NOP14: variants seen among roughly 807,000 people sequenced by gnomAD.
NOP14 encodes NOP14 nucleolar protein.
A neutral mutation model predicts 101.6 loss-of-function variants in NOP14; 57 were observed. That is an observed-to-expected ratio of 0.56 (90% confidence interval 0.45 to 0.70). The LOEUF (loss-of-function observed/expected upper bound fraction) is 0.70. Among genes scored for constraint, NOP14 ranks in the 30% least tolerant of loss-of-function variants. The pLI is 0.00. For synonymous variants in NOP14, 428 were observed against 424.0 expected (o/e 1.01, Z -0.12); for missense variants, 1,134 against 1,075.5 (o/e 1.05, Z -0.76).
Position 2,946,437 on chromosome 4 carries a change from C to T in NOP14, c.1610G>A (p.Arg537Gln), listed in dbSNP as rs776543992. 2.5e-5 allele frequency: 40 copies of T among 1,614,126 alleles called. No individual in the cohort carries two copies. The highest frequency in any genetic ancestry group is 2.4e-4 in the South Asian group (22 of 91,094). ...CACATCCAACCCTGGCAATGCCGCCCGGCCTTTGGTCTCAATCATTTCTTC... is the reference window on the plus strand; with the variant it reads ...CACATCCAACCCTGGCAATGCCGCCTGGCCTTTGGTCTCAATCATTTCTTC... The part of the protein sequence containing the change: ...EMEEMIETKG[R>Q]AALPGLDVLI... Residue 537 changes from arginine to glutamine, a missense_variant, in exon 11 of 18, where the codon CGG becomes CAG. Arg to Gln is a conservative substitution (Grantham distance 43). Transcript: ENST00000416614.
rs202046753 is a variant in NOP14 at position 2,942,269 on chromosome 4, C to T, written c.1974G>A (p.Thr658=). Residue 658 remains threonine, a synonymous_variant, in exon 14 of 18, where the codon ACG becomes ACA. Transcript: ENST00000416614. The part of the protein sequence containing the change: ...LVVSAREDVA[T]WQQSSLSLRW... ...GGAGGGAGAGGCTGCTCTGCTGCCACGTGGCCACATCCTCTCTAGCAGACA... is the reference window on the plus strand; with the variant it reads ...GGAGGGAGAGGCTGCTCTGCTGCCATGTGGCCACATCCTCTCTAGCAGACA... 1.3e-5 allele frequency: 21 copies of T among 1,614,100 alleles called. No homozygotes were observed. Among genetic ancestry groups the T allele is most frequent in the East Asian group, 1.1e-4 (5 of 44,870 alleles).
At chr4:2,956,540 G>A in intron 3 of NOP14, 130 bp downstream of exon 3, 1 of 849,346 alleles carries the variant, frequency 1.2e-6, no homozygotes, top group Non-Finnish European at 1.7e-6. Context: ...AATTTGTAGA[G>A]AGGTTAATGA....
rs112180983 is a variant in NOP14, at chr4:2,948,485, C to T, written c.1283-77G>A. The T allele has an allele frequency of 8.4e-4, 986 of 1,179,358 alleles. 4 individuals are homozygous for T. In the African/African-American group the frequency reaches 0.014, roughly 17 times the overall value. The allele number at this position is 1,179,358 out of a possible 1,614,324, so 73.1% of individuals were successfully genotyped here. ...TATATTTATTTTTGAGATGGAGTCTCGCTCTGTTGCCCAGGCTGGAGTGCA... is the reference window on the plus strand; with the variant it reads ...TATATTTATTTTTGAGATGGAGTCTTGCTCTGTTGCCCAGGCTGGAGTGCA... On this transcript the variant is annotated intron_variant, in intron 8 of 17. Transcript: ENST00000416614.
At position 2,942,459 on chromosome 4, in the gene NOP14, G is replaced by A. The variant is rs530825904; in HGVS notation, c.1892-108C>T. On this transcript the variant is annotated intron_variant, in intron 13 of 17. Coordinates refer to ENST00000416614, the MANE Select transcript of NOP14 (RefSeq NM_001291978.2). ...GTTCACCCTCTAACAGACGCACACC[G>A]ATTTTTATGTTTCTGGGTTGTGCCA... 35 of 1,127,900 alleles carry A rather than the reference G, an allele frequency of 3.1e-5. No individual in the cohort carries two copies. The African/African-American group carries it at 4.2e-4, about 13-fold the overall frequency. 69.9% of individuals were successfully genotyped at this position (1,127,900 alleles called of 1,614,324 possible). A position where few individuals can be genotyped will look rare whatever the true frequency, so the allele number is the denominator to read the frequency against.
At chr4:2,939,444 A>G (rs1253272496) in intron 16 of NOP14, 83 bp downstream of exon 16, 2 of 1,595,234 alleles carry the variant, frequency 1.3e-6, no homozygotes, top group African/African-American at 2.7e-5. Flanking sequence ...CATCTGCTCA[A>G]CTGCAGAACT....
At position 2,944,245 on chromosome 4, in the gene NOP14, G is replaced by C; in HGVS notation, c.1738-19C>G. 1 of 1,606,742 alleles carries C rather than the reference G, an allele frequency of 6.2e-7. No individual in the cohort carries two copies. The highest frequency in any genetic ancestry group is 1.7e-5 in the Admixed American group (1 of 58,078). ...TGGGGCACTGGAAAGGAACATATGG[G>C]GGGTTACTGTCCTGGGACGATGTCA... On this transcript the variant is annotated intron_variant, in intron 12 of 17. Coordinates refer to ENST00000416614, the MANE Select transcript of NOP14 (RefSeq NM_001291978.2).
chr4:2,952,486 T>C, intron 5 of NOP14, 89 bp from the exon 6 acceptor site: 1 of 1,160,648 alleles, frequency 8.6e-7, no homozygotes. Flanking sequence ...TGGCACATTC[T>C]AGTAATGGCT....
intron 3 of NOP14, 148 bp from the exon 4 acceptor site, chr4:2,954,711 G>T: frequency 1.1e-6 from 1 of 943,196 alleles, no homozygotes; most frequent in Non-Finnish European, 1.5e-6. Flanking sequence ...AGCCTGGCCT[G>T]AGACCACAGG....
chr4:2,956,836 C>T (rs1577848700), intron 2 of NOP14, 25 bp from the exon 3 acceptor site: 1 of 1,557,418 alleles, frequency 6.4e-7, no homozygotes, highest in South Asian at 1.2e-5. Flanking sequence ...AAAAAGTTTC[C>T]TAAAATTACC....
rs1714896831 is a variant in NOP14, at chr4:2,949,874, A to C, written c.1282+60T>G. On this transcript the variant is annotated intron_variant, in intron 8 of 17. Transcript: ENST00000416614. The stretch of plus-strand genomic sequence containing the variant: ...CCCTGGGAGGGAGACGAACACACAC[A>C]GCTATGGCCAGGTCATAAAGGTTAT... The C allele has an allele frequency of 1.9e-6, 3 of 1,590,980 alleles. No homozygotes were observed. In the Admixed American group the frequency reaches 5.1e-5, roughly 27 times the overall value.
In NOP14 at chr4:2,954,470, C is replaced by G; in HGVS notation, c.566G>C (p.Arg189Pro). ...AATGAGCTCTTCAATCAGCTCTTTC[C>G]GGGACTTCGGTTTCTCCCGCTCCTC... ...EGEEREKPKS[R>P]KELIEELIAK... Residue 189 changes from arginine to proline, a missense_variant, in exon 4 of 18, where the codon CGG becomes CCG. Coordinates refer to ENST00000416614, the MANE Select transcript of NOP14 (RefSeq NM_001291978.2). 1 of 1,614,160 alleles carries G rather than the reference C, an allele frequency of 6.2e-7. No homozygotes were observed. Among genetic ancestry groups the G allele is most frequent in the Non-Finnish European group, 8.5e-7 (1 of 1,180,012 alleles).
At chr4:2,957,945 A>G (rs2256086) in intron 1 of NOP14, among the ~76,000 whole-genome samples, 70,313 of 152,052 alleles carry the variant, frequency 0.46, 17,472 homozygotes, top group African/African-American at 0.63. Context: ...ATAATGGGGC[A>G]ATCACTTTCT....
At chr4:2,941,768 T>C in intron 14 of NOP14, 39 bp from the exon 15 acceptor site, 1 of 1,593,076 alleles carries the variant, frequency 6.3e-7, no homozygotes, top group Non-Finnish European at 8.5e-7. Flanking sequence ...CAACTTGTTC[T>C]GTTTGTCACT....
In NOP14 at chr4:2,938,278, TGGG is replaced by T. The variant is rs1197730027; in HGVS notation, c.*550_*552del. 1 of 1,242,400 alleles carries T rather than the reference TGGG, an allele frequency of 8.0e-7. No homozygotes were observed. Among genetic ancestry groups the T allele is most frequent in the Non-Finnish European group, 1.1e-6 (1 of 946,484 alleles). The allele number at this position is 1,242,400 out of a possible 1,614,324, so 77.0% of individuals were successfully genotyped here. A position where few individuals can be genotyped will look rare whatever the true frequency, so the allele number is the denominator to read the frequency against. On this transcript the variant is annotated 3_prime_UTR_variant, in exon 18 of 18. Coordinates refer to ENST00000416614, the MANE Select transcript of NOP14 (RefSeq NM_001291978.2). Reference sequence around the variant, plus strand: ...GGGTGCTGTGGCTCACACCTATAATTGGGGGGCCAAGGCAGGTGGATTACCTGA... The same window carrying T: ...GGGTGCTGTGGCTCACACCTATAATTGGGCCAAGGCAGGTGGATTACCTGA...
At chr4:2,957,860 C>CCAAT in intron 1 of NOP14, 120 bp from the exon 2 acceptor site, 1 of 990,368 alleles carries the variant, frequency 1.0e-6, no homozygotes, top group South Asian at 2.1e-5. Flanking sequence ...AAGTTCACAC[C>CCAAT]CAATCTGCTT....
intron 1 of NOP14, among the ~76,000 whole-genome samples, chr4:2,960,829 T>C (rs1324390033): frequency 1.7e-5 from 2 of 120,256 alleles, no homozygotes; most frequent in African/African-American, 3.5e-5. Context: ...ACATTATCAA[T>C]ATATTAATAT....
At chr4:2,957,380 A>G (rs945601692) in intron 2 of NOP14, among the ~76,000 whole-genome samples, 8 of 152,200 alleles carry the variant, frequency 5.3e-5, no homozygotes, top group Non-Finnish European at 1.2e-4. Context: ...TCCTGTGCAC[A>G]CTGCTGCCGT....
At chr4:2,955,457 G>A (rs1265474703) in intron 3 of NOP14, among the ~76,000 whole-genome samples, 1 of 106,722 alleles carries the variant, frequency 9.4e-6, no homozygotes, top group Non-Finnish European at 1.9e-5. Context: ...GCACCACAGC[G>A]CCCCCTCTAG....
intron 1 of NOP14, among the ~76,000 whole-genome samples, chr4:2,961,139 A>G (rs1408705931): frequency 2.5e-5 from 2 of 78,526 alleles, no homozygotes; most frequent in Non-Finnish European, 4.7e-5. Context: ...TAATATATTA[A>G]TATACTAATA....
Sources: allele counts gnomAD v4.1 joint callset (sites outside exome capture counted in the v4.1 genomes callset), GRCh38; gene constraint gnomAD v4.1.1; transcripts MANE v1.5; gene names NCBI Gene and HGNC (gene_info 2026-07-23, HGNC 2026-07-21).